FBN2: variants seen among roughly 807,000 people sequenced by gnomAD.
FBN2 encodes fibrillin-2.
A neutral mutation model predicts 355.6 loss-of-function variants in FBN2; 105 were observed. The ratio of observed to expected loss-of-function variants is 0.30; its 90% CI spans 0.25 to 0.35. The LOEUF (loss-of-function observed/expected upper bound fraction) is 0.35, where lower values mean the gene tolerates loss of function less well. FBN2 is among the 10% of genes least tolerant of loss of function. The probability of loss-of-function intolerance (pLI) is 1.00; values close to 1 mark genes in which losing one functional copy is unlikely to be tolerated. For missense variants in FBN2, 3,280 were observed against 3,758.7 expected, an observed-to-expected ratio of 0.87 and a Z score of 3.33; for synonymous variants, 1,350 against 1,301.2, an observed-to-expected ratio of 1.04 and a Z score of -0.81.
chr5:128,350,366 C>T (rs1328094765), intron 21 of FBN2, among the ~76,000 whole-genome samples: 1 of 152,188 alleles, frequency 6.6e-6, no homozygotes, highest in African/African-American at 2.4e-5. Flanking sequence ...ATCTGACCAA[C>T]ATGGTGAAAC....
chr5:128,387,345 T>C (rs1400311584), intron 11 of FBN2, among the ~76,000 whole-genome samples: 2 of 152,162 alleles, frequency 1.3e-5, no homozygotes, highest in Non-Finnish European at 2.9e-5. Context: ...TATTTCCGTC[T>C]TCTCTCTTTT....
At chr5:128,316,733 A>C (rs2126852176) in intron 36 of FBN2, among the ~76,000 whole-genome samples, 1 of 152,330 alleles carries the variant, frequency 6.6e-6, no homozygotes, top group Admixed American at 6.5e-5. Context: ...TAATTGTTTC[A>C]AATGGATTTC....
intron 33 of FBN2, 46 bp downstream of exon 33, chr5:128,330,527 G>A: frequency 3.7e-6 from 6 of 1,608,530 alleles, no homozygotes; most frequent in Non-Finnish European, 5.1e-6. Context: ...CATATAGAGT[G>A]TTCTATGACC....
rs1754458839 is a variant in FBN2 at position 128,458,292 on chromosome 5, C to T, written c.826+6432G>A. On this transcript the variant is annotated intron_variant, in intron 6 of 64. Coordinates refer to ENST00000262464, the MANE Select transcript of FBN2 (RefSeq NM_001999.4). ...AACTCTTCTGTTGAATTCATAAAAG[C>T]ACCCAGATTCATAAAACAAGTTATT... Among the ~76,000 whole-genome samples the T allele has an allele frequency of 2.0e-5, 3 of 151,606 alleles. No homozygotes were observed. The South Asian group carries it at 6.2e-4, about 31-fold the overall frequency.
Position 128,261,697 on chromosome 5 carries a change from G to A in FBN2, c.8364+39C>T, listed in dbSNP as rs775589754. ...TGCACTGTATACATGACTCCGTAGG[G>A]ATAAAATTTTGTGGCAACACAGAGT... On this transcript the variant is annotated intron_variant, in intron 64 of 64. Coordinates refer to ENST00000262464, the MANE Select transcript of FBN2 (RefSeq NM_001999.4). 6 of 1,602,030 alleles carry A rather than the reference G, an allele frequency of 3.7e-6. No homozygotes were observed. The African/African-American group carries it at 8.0e-5, about 21-fold the overall frequency.
intron 5 of FBN2, among the ~76,000 whole-genome samples, chr5:128,508,524 G>A (rs1756024788): frequency 6.6e-6 from 1 of 151,920 alleles, no homozygotes. Context: ...CCCAGCCTCT[G>A]TGTATTGTTT....
intron 56 of FBN2, among the ~76,000 whole-genome samples, 154 bp from the exon 57 acceptor site, chr5:128,278,995 C>A (rs957830820): frequency 1.4e-4 from 21 of 152,106 alleles, no homozygotes; most frequent in African/African-American, 4.8e-4. Flanking sequence ...CAGTTAAGTT[C>A]ATAGCATATT....
intron 7 of FBN2, among the ~76,000 whole-genome samples, chr5:128,417,123 T>C (rs191368444): frequency 1.7e-4 from 26 of 152,254 alleles, no homozygotes; most frequent in East Asian, 1.2e-3. Context: ...CGATGGTAAA[T>C]AGAATTGCCT....
chr5:128,303,170 A>G (rs1749768417), intron 45 of FBN2, 81 bp from the exon 46 acceptor site: 2 of 824,864 alleles, frequency 2.4e-6, no homozygotes, highest in Non-Finnish European at 4.3e-6. Context: ...TGTTTAACTT[A>G]TGGAATTACT....
At position 128,303,067 on chromosome 5, in the gene FBN2, A is replaced by G. The variant is rs11955288; in HGVS notation, c.5823T>C (p.His1941=). 160,572 of 1,607,754 alleles carry G rather than the reference A, an allele frequency of 0.1. 8,435 individuals are homozygous for G. Among genetic ancestry groups the G allele is most frequent in the Middle Eastern group, 0.12 (729 of 6,044 alleles). ...TTTTACAAGTTCCATTTCCACATGG[A>G]TGCCGCTCGCACTCATCAACATCTA... is the stretch of plus-strand genomic sequence containing the variant. ...MCMDVDECER[H]PCGNGTCKNT... is the part of the protein sequence containing the mutation. The change falls in exon 46 of 65, where the codon CAT becomes CAC. Residue 1941 remains histidine, a synonymous_variant. Coordinates refer to ENST00000262464, the MANE Select transcript of FBN2 (RefSeq NM_001999.4).
At position 128,259,092 on chromosome 5, in the gene FBN2, C is replaced by T. The variant is rs944457237; in HGVS notation, c.*363G>A. The T allele has an allele frequency of 1.6e-5, 3 of 182,478 alleles. No homozygotes were observed. Among genetic ancestry groups the T allele is most frequent in the African/African-American group, 4.9e-5 (2 of 40,494 alleles). 11.3% of individuals were successfully genotyped at this position (182,478 alleles called of 1,614,324 possible). On this transcript the variant is annotated 3_prime_UTR_variant, in exon 65 of 65. Transcript: ENST00000262464. ...ACATCTATATTTTTTTAATTAGCAA[C>T]TATAGCAAAATACCCAAAGTGTTAC...
intron 5 of FBN2, among the ~76,000 whole-genome samples, chr5:128,495,480 T>C (rs1338793424): frequency 6.6e-6 from 1 of 151,946 alleles, no homozygotes; most frequent in Non-Finnish European, 1.5e-5. Context: ...GTAGTAAAAA[T>C]GCAAAGATAT....
chr5:128,469,524 C>T (rs958303172), intron 5 of FBN2, among the ~76,000 whole-genome samples: 1 of 70,820 alleles, frequency 1.4e-5, no homozygotes, highest in African/African-American at 6.3e-5. Context: ...CAGCAAGACT[C>T]CGTCTCAAAA....
intron 20 of FBN2, among the ~76,000 whole-genome samples, chr5:128,351,257 A>G (rs1328169833): frequency 6.6e-6 from 1 of 151,720 alleles, no homozygotes; most frequent in Non-Finnish European, 1.5e-5. Context: ...TAAAAGTTTT[A>G]ATAGTGGGGC....
intron 23 of FBN2, among the ~76,000 whole-genome samples, chr5:128,348,401 A>G (rs1159825134): frequency 5.9e-5 from 9 of 152,220 alleles, no homozygotes; most frequent in African/African-American, 2.2e-4. Context: ...TTTCTAAATA[A>G]TTTTGTATGA....
intron 48 of FBN2, among the ~76,000 whole-genome samples, chr5:128,298,971 T>A (rs1269178148): frequency 6.6e-6 from 1 of 152,222 alleles, no homozygotes; most frequent in Non-Finnish European, 1.5e-5. Flanking sequence ...TGTGGTTTTA[T>A]CTACTTTTGG....
Position 128,378,946 on chromosome 5 carries a change from T to C in FBN2, c.1604-56A>G. 27 of 1,604,788 alleles carry C rather than the reference T, an allele frequency of 1.7e-5. No individual in the cohort carries two copies. The South Asian group carries it at 2.9e-4, about 17-fold the overall frequency. ...TTCACTCCATTTGTAGAAATGTTTG[T>C]TTAAAGTACATTTAGTCCTCTAAAG... is the stretch of plus-strand genomic sequence containing the variant. On this transcript the variant is annotated intron_variant, in intron 11 of 64. Transcript: ENST00000262464.
intron 23 of FBN2, among the ~76,000 whole-genome samples, chr5:128,348,033 T>A (rs1049557169): frequency 2.6e-5 from 4 of 152,180 alleles, no homozygotes; most frequent in African/African-American, 9.7e-5. Context: ...GTGATCCACC[T>A]GTCTCAGCCT....
chr5:128,395,071 T>G, intron 9 of FBN2, 51 bp downstream of exon 9: 1 of 1,604,286 alleles, frequency 6.2e-7, no homozygotes. Flanking sequence ...GTACTGCTAC[T>G]AATTTTCCTA....
Sources: gnomAD v4.1 joint callset for allele counts (sites outside exome capture counted in the v4.1 genomes callset) on GRCh38, gnomAD v4.1.1 for gene constraint, MANE v1.5 for transcripts, NCBI Gene and HGNC (gene_info 2026-07-23, HGNC 2026-07-21) for gene names.